The following DPYD variants were observed in gnomAD, a reference collection of about 807,000 sequenced individuals.
The protein encoded by DPYD is dihydropyrimidine dehydrogenase [NADP(+)].
A neutral mutation model predicts 116.2 loss-of-function variants in DPYD; 109 were observed. The ratio of observed to expected loss-of-function variants is 0.94; its 90% CI spans 0.80 to 1.10. DPYD has a LOEUF of 1.10. Among genes scored for constraint, DPYD ranks in the 50% least tolerant of loss-of-function variants. DPYD has a pLI of 0.00. For synonymous variants in DPYD, 440 were observed against 432.0 expected (o/e 1.02, Z -0.23); for missense variants, 1,302 against 1,254.5 (o/e 1.04, Z -0.57).
intron 4 of DPYD, among the ~76,000 whole-genome samples, chr1:97,722,121 C>T (rs1017613729): frequency 2.6e-5 from 4 of 151,466 alleles, no homozygotes; most frequent in Non-Finnish European, 5.9e-5. Context: ...GCAGCCAGAG[C>T]TTTCATTATT....
At chr1:97,715,546 C>T (rs112204284) in intron 5 of DPYD, among the ~76,000 whole-genome samples, 10 of 152,070 alleles carry the variant, frequency 6.6e-5, no homozygotes, top group Admixed American at 2.0e-4. Flanking sequence ...ACCTAGTGGG[C>T]TCTTACTACA....
chr1:97,809,927 T>C (rs1244084058), intron 3 of DPYD, among the ~76,000 whole-genome samples: 1 of 151,934 alleles, frequency 6.6e-6, no homozygotes, highest in African/African-American at 2.4e-5. Context: ...ACAGGAAGGA[T>C]GGGTAACAGG....
intron 3 of DPYD, among the ~76,000 whole-genome samples, chr1:97,816,967 C>T (rs1212567825): frequency 6.6e-6 from 1 of 152,136 alleles, no homozygotes; most frequent in African/African-American, 2.4e-5. Flanking sequence ...TAATATATTT[C>T]TCCAAACATT....
intron 6 of DPYD, among the ~76,000 whole-genome samples, chr1:97,694,541 G>T (rs1289357517): frequency 6.6e-6 from 1 of 152,030 alleles, no homozygotes; most frequent in African/African-American, 2.4e-5. Context: ...GTTCACTTGG[G>T]TGTCTAATGG....
intron 8 of DPYD, among the ~76,000 whole-genome samples, chr1:97,599,802 TC>T (rs1301156034): frequency 8.0e-6 from 1 of 124,762 alleles, no homozygotes; most frequent in Non-Finnish European, 1.6e-5. Context: ...GGTGGGTGGA[TC>T]ACTTGAGGTC....
intron 3 of DPYD, among the ~76,000 whole-genome samples, chr1:97,810,434 T>C (rs930622991): frequency 7.8e-4 from 119 of 152,190 alleles, no homozygotes; most frequent in African/African-American, 2.7e-3. Context: ...TAATTACACA[T>C]TAAAGGGAGT....
chr1:97,794,752 A>C (rs957255200), intron 3 of DPYD, among the ~76,000 whole-genome samples: 22 of 152,154 alleles, frequency 1.4e-4, no homozygotes, highest in Non-Finnish European at 2.9e-4. Flanking sequence ...CTTATTTCAC[A>C]CTTAAAAAGT....
At chr1:97,161,575 TTTA>T (rs1206521878) in intron 20 of DPYD, among the ~76,000 whole-genome samples, 3 of 152,010 alleles carry the variant, frequency 2.0e-5, no homozygotes, top group Admixed American at 1.3e-4. Flanking sequence ...TTAATTTAAT[TTTA>T]TTATTATTAT....
At chr1:97,446,221 A>AT (rs1676080056) in intron 14 of DPYD, among the ~76,000 whole-genome samples, 1 of 152,196 alleles carries the variant, frequency 6.6e-6, no homozygotes, top group South Asian at 2.1e-4. Flanking sequence ...TAGTGCCTTA[A>AT]TAAAAAAAAT....
At chr1:97,345,428 T>C (rs1669792019) in intron 16 of DPYD, among the ~76,000 whole-genome samples, 1 of 151,940 alleles carries the variant, frequency 6.6e-6, no homozygotes, top group Non-Finnish European at 1.5e-5. Flanking sequence ...ACTATGCTTT[T>C]TAAACTTTGT....
At chr1:97,223,386 TAAAC>T (rs1435239517) in intron 19 of DPYD, among the ~76,000 whole-genome samples, 12 of 101,838 alleles carry the variant, frequency 1.2e-4, no homozygotes, top group Non-Finnish European at 2.3e-4. Flanking sequence ...AAGATAGAAT[TAAAC>T]ACACACACAC....
At chr1:97,298,098 A>C (rs1666638685) in intron 18 of DPYD, among the ~76,000 whole-genome samples, 1 of 152,156 alleles carries the variant, frequency 6.6e-6, no homozygotes, top group Admixed American at 6.6e-5. Flanking sequence ...TTATTTATCA[A>C]ATACTATACC....
intron 19 of DPYD, among the ~76,000 whole-genome samples, chr1:97,214,117 T>C (rs1009865092): frequency 1.3e-5 from 2 of 152,268 alleles, no homozygotes; most frequent in Middle Eastern, 3.4e-3. Context: ...CTGTACTAAT[T>C]TCTCCAGGTT....
At chr1:97,252,062 T>C (rs563033) in intron 18 of DPYD, among the ~76,000 whole-genome samples, 54,745 of 145,240 alleles carry the variant, frequency 0.38, 11,471 homozygotes, top group African/African-American at 0.43. Flanking sequence ...CTTGTAGTCA[T>C]AAACTTAACT....
At chr1:97,743,115 G>A (rs1174398543) in intron 3 of DPYD, among the ~76,000 whole-genome samples, 1 of 152,020 alleles carries the variant, frequency 6.6e-6, no homozygotes, top group African/African-American at 2.4e-5. Context: ...GACAATGTAA[G>A]GATTTTTAGT....
chr1:97,656,273 G>A (rs1045616948), intron 8 of DPYD, among the ~76,000 whole-genome samples: 6 of 152,072 alleles, frequency 3.9e-5, no homozygotes, highest in Admixed American at 1.3e-4. Context: ...TTCTTTTCAC[G>A]GAAGATCTTT....
chr1:97,662,360 A>ATAC (rs1659316458), intron 8 of DPYD, among the ~76,000 whole-genome samples: 3 of 151,720 alleles, frequency 2.0e-5, no homozygotes, highest in Non-Finnish European at 4.4e-5. Context: ...TGTACATCAA[A>ATAC]CAGCTGATAT....
intron 18 of DPYD, among the ~76,000 whole-genome samples, chr1:97,270,027 T>C (rs982091314): frequency 1.3e-5 from 2 of 152,206 alleles, no homozygotes; most frequent in Middle Eastern, 3.2e-3. Flanking sequence ...CTCTTCCATA[T>C]TTCAGGTGCT....
chr1:97,848,976 A>T (rs1670445159), intron 2 of DPYD, among the ~76,000 whole-genome samples: 1 of 152,204 alleles, frequency 6.6e-6, no homozygotes, highest in African/African-American at 2.4e-5. Context: ...ACTCTTAAAT[A>T]CGTGAAATGA....
Sources: gnomAD v4.1 joint callset for allele counts (sites outside exome capture counted in the v4.1 genomes callset) on GRCh38, gnomAD v4.1.1 for gene constraint, MANE v1.5 for transcripts, NCBI Gene and HGNC (gene_info 2026-07-23, HGNC 2026-07-21) for gene names.